Variants in OPRL1 observed in about 807,000 individuals in gnomAD.
OPRL1 encodes nociceptin receptor.
A neutral mutation model predicts 15.5 loss-of-function variants in OPRL1; 5 were observed. The ratio of observed to expected loss-of-function variants is 0.32; its 90% CI spans 0.17 to 0.68. The LOEUF is 0.68. Ranked by LOEUF, OPRL1 falls within the 30% of genes least tolerant of loss-of-function variation. The pLI, the probability that OPRL1 is intolerant of heterozygous loss-of-function variation, is 0.72. For missense variants in OPRL1, 406 were observed against 515.3 expected (o/e 0.79, Z 2.05); for synonymous variants, 223 against 230.2 (o/e 0.97, Z 0.28).
At chr20:64,092,643 C>A in intron 2 of OPRL1, 45 bp from the exon 3 acceptor site, 1 of 1,464,442 alleles carries the variant, frequency 6.8e-7, no homozygotes, top group Non-Finnish European at 9.4e-7. Flanking sequence ...CTCCGCTGGG[C>A]GTGTGTCTGG....
rs1014953028 is a variant in OPRL1, at chr20:64,090,700, G to C, written c.-184-1266G>C. On this transcript the variant is annotated intron_variant, in intron 1 of 4. Coordinates refer to ENST00000336866, the MANE Select transcript of OPRL1 (RefSeq NM_182647.4). The surrounding 1 kb of genome is among the most constrained non-coding windows in gnomAD (Gnocchi z 4.9). ...CTGAAGGGGCCATTCAGCTGTGTGG[G>C]TGCCAGGGGCCTGTCTGCAGGAGTG... is the stretch of plus-strand genomic sequence containing the variant. 1.3e-5 allele frequency among the ~76,000 whole-genome samples: 2 copies of C among 152,238 alleles called. No homozygotes were observed. The highest frequency in any genetic ancestry group is 6.5e-5 in the Admixed American group (1 of 15,280).
chr20:64,098,481 G>A lies in OPRL1; in HGVS notation c.795G>A (p.Val265=), dbSNP rs1205061351. 2 of 1,613,106 alleles carry A rather than the reference G, an allele frequency of 1.2e-6. No individual in the cohort carries two copies. The highest frequency in any genetic ancestry group is 1.7e-6 in the Non-Finnish European group (2 of 1,180,016). The change falls in exon 5 of 5, where the codon GTG becomes GTA. Residue 265 remains valine (V), a synonymous_variant. Transcript: ENST00000336866. ...DRNLRRITRL[V]LVVVAVFVGC... ...ACCTGCGGCGCATCACTCGGCTGGTGCTGGTGGTAGTGGCTGTGTTCGTGG... is the reference window on the plus strand; with the variant it reads ...ACCTGCGGCGCATCACTCGGCTGGTACTGGTGGTAGTGGCTGTGTTCGTGG...
chr20:64,088,731 C>A (rs1569271874), intron 1 of OPRL1, among the ~76,000 whole-genome samples: 36 of 9,450 alleles, frequency 3.8e-3, no homozygotes, highest in East Asian at 6.1e-3. Flanking sequence ...AGGATCTGTG[C>A]AAGGGGTAGG....
chr20:64,084,202 C>A, intron 1 of OPRL1: 1 of 1,425,128 alleles, frequency 7.0e-7, no homozygotes, highest in Non-Finnish European at 9.1e-7. Context: ...GCCCGCCCTC[C>A]TTCGCTGGCG....
rs780743488 is a variant in OPRL1, at chr20:64,083,823, T to C, written c.-185+3471T>C. The C allele has an allele frequency of 2.0e-5, 27 of 1,363,352 alleles. No homozygotes were observed. The South Asian group carries it at 3.4e-4, about 17-fold the overall frequency. The allele number at this position is 1,363,352 out of a possible 1,614,324, so 84.5% of individuals were successfully genotyped here. On this transcript the variant is annotated intron_variant, in intron 1 of 4. Coordinates refer to ENST00000336866, the MANE Select transcript of OPRL1 (RefSeq NM_182647.4). The surrounding 1 kb of genome is among the most constrained non-coding windows in gnomAD (Gnocchi z 4.9). ...CTCCGACCCCCTCGCCTCACCCGCA[T>C]GCGGGTGTAGCGCAGCCGCAGGGCG...
rs2059988707 is a variant in OPRL1 at position 64,083,260 on chromosome 20, G to T, written c.-185+2908G>T. ...CCCACTTGCGTCTCCCCACTTTTTT[G>T]GGAGAGGCCCCACTCTCTGTACCCT... On this transcript the variant is annotated intron_variant, in intron 1 of 4. Coordinates refer to ENST00000336866, the MANE Select transcript of OPRL1 (RefSeq NM_182647.4). The surrounding 1 kb of genome is among the most constrained non-coding windows in gnomAD (Gnocchi z 4.9). The T allele has an allele frequency of 3.4e-6, 3 of 889,322 alleles. No individual in the cohort carries two copies. The highest frequency in any genetic ancestry group is 3.4e-6 in the Non-Finnish European group (2 of 595,486). The allele number at this position is 889,322 out of a possible 1,614,324, so 55.1% of individuals were successfully genotyped here. A position where few individuals can be genotyped will look rare whatever the true frequency, so the allele number is the denominator to read the frequency against.
intron 1 of OPRL1, among the ~76,000 whole-genome samples, chr20:64,086,093 G>A (rs1260366345): frequency 6.6e-6 from 1 of 152,208 alleles, no homozygotes; most frequent in East Asian, 1.9e-4. Flanking sequence ...TGCTCACCCA[G>A]CAGCCGCTTT....
chr20:64,092,582 C>T, intron 2 of OPRL1, 106 bp from the exon 3 acceptor site: 1 of 780,458 alleles, frequency 1.3e-6, no homozygotes, highest in Non-Finnish European at 2.1e-6. Flanking sequence ...TGTGGCTGCC[C>T]AGCGTGGGGG....
Position 64,100,102 on chromosome 20 carries a change from C to T in OPRL1, c.*1303C>T, listed in dbSNP as rs117765345. On this transcript the variant is annotated 3_prime_UTR_variant, in exon 5 of 5. Transcript: ENST00000336866. ...GGCTGTGGTGGCTGTGAGGACACTG[C>T]GGGGGTTGGGGGGGGGGCGTCTGTA... is the stretch of plus-strand genomic sequence containing the variant. 10,895 of 103,876 alleles carry T rather than the reference C, an allele frequency of 0.1. 516 individuals are homozygous for T. Among genetic ancestry groups the T allele is most frequent in the South Asian group, 0.14 (480 of 3,412 alleles). The allele number at this position is 103,876 out of a possible 1,614,324, so 6.4% of individuals were successfully genotyped here.
chr20:64,084,093 C>T, intron 1 of OPRL1: 1 of 1,484,110 alleles, frequency 6.7e-7, no homozygotes, highest in Non-Finnish European at 8.9e-7. Flanking sequence ...AGGGCCCAGC[C>T]CGGCTTGGGG....
At position 64,080,280 on chromosome 20, in the gene OPRL1, A is replaced by G. The variant is rs1286055432; in HGVS notation, c.-257A>G. The G allele has an allele frequency of 1.3e-5, 2 of 152,254 alleles. No individual in the cohort carries two copies. The highest frequency in any genetic ancestry group is 4.8e-5 in the African/African-American group (2 of 41,460). The allele number at this position is 152,254 out of a possible 1,614,324, so 9.4% of individuals were successfully genotyped here. On this transcript the variant is annotated 5_prime_UTR_variant, in exon 1 of 5. Coordinates refer to ENST00000336866, the MANE Select transcript of OPRL1 (RefSeq NM_182647.4). ...GTGGGACTTCCACGACAGTGGAGGCACGAGAGCTGGGCCCCATATGCTGCT... is the reference window on the plus strand; with the variant it reads ...GTGGGACTTCCACGACAGTGGAGGCGCGAGAGCTGGGCCCCATATGCTGCT...
Position 64,090,612 on chromosome 20 carries a change from G to C in OPRL1, c.-184-1354G>C, listed in dbSNP as rs1458164227. 6.6e-6 allele frequency among the ~76,000 whole-genome samples: 1 copy of C among 152,222 alleles called. No homozygotes were observed. The highest frequency in any genetic ancestry group is 1.5e-5 in the Non-Finnish European group (1 of 68,038). On this transcript the variant is annotated intron_variant, in intron 1 of 4. Coordinates refer to ENST00000336866, the MANE Select transcript of OPRL1 (RefSeq NM_182647.4). The surrounding 1 kb of genome is among the most constrained non-coding windows in gnomAD (Gnocchi z 4.9). ...GCTCAGGGGTCACCCACACAGCCTT[G>C]ACCTGTGACCTTTCATCTCAGTGGA...
At chr20:64,086,111 C>A (rs2060047328) in intron 1 of OPRL1, among the ~76,000 whole-genome samples, 1 of 152,218 alleles carries the variant, frequency 6.6e-6, no homozygotes, top group Non-Finnish European at 1.5e-5. Flanking sequence ...TTTCTCTGGG[C>A]AGCCTTTGTG....
rs1268929480 is a variant in OPRL1 at position 64,089,541 on chromosome 20, A to T, written c.-184-2425A>T. On this transcript the variant is annotated intron_variant, in intron 1 of 4. Coordinates refer to ENST00000336866, the MANE Select transcript of OPRL1 (RefSeq NM_182647.4). This position sits in a 1 kb window ranked among gnomAD's most constrained non-coding sequence, Gnocchi z 5.5. ...CCTTCCTTACCCATCCTCTCTCTTG[A>T]TCTCTCCATACTTCCTCCCCACTCC... 1.3e-5 allele frequency among the ~76,000 whole-genome samples: 2 copies of T among 151,198 alleles called. No homozygotes were observed. Among genetic ancestry groups the T allele is most frequent in the African/African-American group, 4.9e-5 (2 of 41,018 alleles).
In OPRL1 at chr20:64,089,800, G is replaced by A; in HGVS notation, c.-184-2166G>A. On this transcript the variant is annotated intron_variant, in intron 1 of 4. Transcript: ENST00000336866. The surrounding 1 kb of genome is among the most constrained non-coding windows in gnomAD (Gnocchi z 5.5). ...CCTTCCCTTACGAGGTCTCTGCTCTGCCCACCCTCAGTGCCTACAGTGCCC... is the reference window on the plus strand; with the variant it reads ...CCTTCCCTTACGAGGTCTCTGCTCTACCCACCCTCAGTGCCTACAGTGCCC... 6.6e-6 allele frequency among the ~76,000 whole-genome samples: 1 copy of A among 152,172 alleles called. No homozygotes were observed. The highest frequency in any genetic ancestry group is 1.9e-4 in the East Asian group (1 of 5,192).
rs997781972 is a variant in OPRL1, at chr20:64,089,105, T to C, written c.-184-2861T>C. ...GGTTCTGCGCAGGGGGCCTAGGCTG[T>C]TCAGCATGCCAGGGTCTGTGCTGGG... On this transcript the variant is annotated intron_variant, in intron 1 of 4. Transcript: ENST00000336866. This position sits in a 1 kb window ranked among gnomAD's most constrained non-coding sequence, Gnocchi z 5.5. Among the ~76,000 whole-genome samples the C allele has an allele frequency of 6.7e-6, 1 of 149,310 alleles. No homozygotes were observed. Among genetic ancestry groups the C allele is most frequent in the African/African-American group, 2.5e-5 (1 of 40,308 alleles).
At position 64,090,566 on chromosome 20, in the gene OPRL1, C is replaced by T. The variant is rs973574133; in HGVS notation, c.-184-1400C>T. Among the ~76,000 whole-genome samples the T allele has an allele frequency of 1.3e-5, 2 of 152,162 alleles. No individual in the cohort carries two copies. Among genetic ancestry groups the T allele is most frequent in the Admixed American group, 6.5e-5 (1 of 15,274 alleles). The stretch of plus-strand genomic sequence containing the variant: ...CGTGCAGGAAGTACAACCCCATGAC[C>T]GGGAGGGAGCTGGTGATTCAGCTCA... On this transcript the variant is annotated intron_variant, in intron 1 of 4. Transcript: ENST00000336866. This position sits in a 1 kb window ranked among gnomAD's most constrained non-coding sequence, Gnocchi z 4.9.
rs1300263863 is a variant in OPRL1 at position 64,098,332 on chromosome 20, G to C, written c.646G>C (p.Ala216Pro). The change falls in exon 5 of 5, where the codon GCC (alanine) becomes CCC (proline). Residue 216 changes from alanine (A) to proline (P), a missense_variant. By Grantham distance (27) the Ala-to-Pro change is conservative (BLOSUM62 -1). Coordinates refer to ENST00000336866, the MANE Select transcript of OPRL1 (RefSeq NM_182647.4). ...TPQDYWGPVF[A>P]ICIFLFSFIV... ...TCAGGATTACTGGGGCCCGGTGTTT[G>C]CCATCTGCATCTTCCTCTTCTCCTT... The C allele has an allele frequency of 6.2e-7, 1 of 1,613,998 alleles. No individual in the cohort carries two copies. Among genetic ancestry groups the C allele is most frequent in the Admixed American group, 1.7e-5 (1 of 60,032 alleles).
In OPRL1 at chr20:64,083,330, C is replaced by A; in HGVS notation, c.-185+2978C>A. On this transcript the variant is annotated intron_variant, in intron 1 of 4. Transcript: ENST00000336866. This position sits in a 1 kb window ranked among gnomAD's most constrained non-coding sequence, Gnocchi z 4.9. ...GGAGAGGCAGCGTCCATACTCCCCG[C>A]TTCCCTCGGGGTCCTGGGGAGTGGC... 6.5e-7 allele frequency: 1 copy of A among 1,528,962 alleles called. No individual in the cohort carries two copies. The allele number at this position is 1,528,962 out of a possible 1,614,324, so 94.7% of individuals were successfully genotyped here.
Sources: gnomAD v4.1 joint callset for allele counts (sites outside exome capture counted in the v4.1 genomes callset) on GRCh38, gnomAD v4.1.1 for gene constraint, Gnocchi (gnomAD v3.1) non-coding constraint, MANE v1.5 for transcripts, NCBI Gene and HGNC (gene_info 2026-07-23, HGNC 2026-07-21) for gene names.